RTTN: variants seen among roughly 807,000 people sequenced by gnomAD.
RTTN encodes rotatin.
RTTN carries 182 observed loss-of-function variants against 269.2 expected under a neutral mutation model. That is an observed-to-expected ratio of 0.68 (90% CI 0.60 to 0.76). The LOEUF (loss-of-function observed/expected upper bound fraction) is 0.76. Among genes scored for constraint, RTTN ranks in the 30% least tolerant of loss-of-function variants. RTTN has a pLI of 0.00. For missense variants in RTTN, 2,545 were observed against 2,608.6 expected (o/e 0.98, Z 0.53); for synonymous variants, 1,006 against 963.5 (o/e 1.04, Z -0.82).
chr18:70,057,779 A>G lies in RTTN; in HGVS notation c.4994T>C (p.Leu1665Pro). The G allele has an allele frequency of 6.2e-7, 1 of 1,613,940 alleles. No individual in the cohort carries two copies. The highest frequency in any genetic ancestry group is 8.5e-7 in the Non-Finnish European group (1 of 1,179,860). ...GTGTTCAGCTGGAGGTGATGAAGGC[A>G]GCAGGGCTCTGAGTTCCTGGACACA... ...QTCVQELRAL[L>P]PSSPPAEHTQ... The change falls in exon 37 of 49, where the codon CTG (leucine) becomes CCG (proline). Residue 1665 changes from leucine (L) to proline (P), a missense_variant. Physicochemically the swap from Leu to Pro is moderately conservative, Grantham distance 98 (BLOSUM62 -3). Transcript: ENST00000640769.
At chr18:70,157,086 T>C (rs1318344834) in intron 14 of RTTN, among the ~76,000 whole-genome samples, 1 of 152,174 alleles carries the variant, frequency 6.6e-6, no homozygotes, top group Non-Finnish European at 1.5e-5. Flanking sequence ...AGCCAATACC[T>C]ACTGGTGTGC....
intron 12 of RTTN, among the ~76,000 whole-genome samples, chr18:70,167,460 C>G (rs902418175): frequency 6.6e-6 from 1 of 152,126 alleles, no homozygotes; most frequent in South Asian, 2.1e-4. Context: ...GAGGCCAGAC[C>G]CAGTGGCTCC....
At chr18:70,008,433 G>A (rs2056264303) in intron 46 of RTTN, 2 of 152,086 alleles carry the variant, frequency 1.3e-5, no homozygotes, top group South Asian at 4.1e-4. Context: ...GCAGGCTTCA[G>A]AAGGTGGGTA....
intron 13 of RTTN, chr18:70,166,621 TA>T (rs2060994358): frequency 8.6e-6 from 2 of 232,322 alleles, no homozygotes; most frequent in Admixed American, 1.1e-4. Context: ...ACTTTAAAGA[TA>T]AATAAACAAT....
At chr18:70,075,026 G>A (rs1272232035) in intron 33 of RTTN, 7 of 170,040 alleles carry the variant, frequency 4.1e-5, no homozygotes, top group African/African-American at 1.7e-4. Flanking sequence ...CTGTACTGAT[G>A]GGCATAACTT....
intron 28 of RTTN, among the ~76,000 whole-genome samples, chr18:70,094,770 G>T (rs2058951388): frequency 1.3e-5 from 2 of 152,190 alleles, no homozygotes; most frequent in South Asian, 4.2e-4. Flanking sequence ...GTTGATTTGG[G>T]GTGGAGAGTT....
At chr18:70,039,000 T>C (rs762198626) in intron 40 of RTTN, among the ~76,000 whole-genome samples, 4 of 152,150 alleles carry the variant, frequency 2.6e-5, no homozygotes, top group East Asian at 1.9e-4. Context: ...ATTAGTAAAC[T>C]TGAAGGCAAG....
intron 34 of RTTN, among the ~76,000 whole-genome samples, chr18:70,068,720 G>C (rs982841026): frequency 6.6e-6 from 1 of 152,170 alleles, no homozygotes; most frequent in Non-Finnish European, 1.5e-5. Context: ...ACAACAGCGA[G>C]AGTCTAATTC....
intron 23 of RTTN, among the ~76,000 whole-genome samples, chr18:70,132,580 T>G (rs1157629288): frequency 2.0e-5 from 3 of 151,774 alleles, no homozygotes; most frequent in African/African-American, 7.3e-5. Context: ...CACAAAACAC[T>G]TAGAAAATAT....
intron 5 of RTTN, among the ~76,000 whole-genome samples, chr18:70,198,079 C>T (rs964143100): frequency 6.6e-6 from 1 of 152,196 alleles, no homozygotes; most frequent in Non-Finnish European, 1.5e-5. Flanking sequence ...GCACACAATT[C>T]TAGGAAATCT....
intron 32 of RTTN, among the ~76,000 whole-genome samples, chr18:70,078,216 T>A (rs1402543949): frequency 1.3e-5 from 2 of 151,980 alleles, no homozygotes; most frequent in Non-Finnish European, 2.9e-5. Context: ...ATTCAACTTC[T>A]CATCAGTAGC....
chr18:70,177,406 G>A (rs2061328878), intron 10 of RTTN, among the ~76,000 whole-genome samples: 1 of 152,158 alleles, frequency 6.6e-6, no homozygotes, highest in Admixed American at 6.5e-5. Flanking sequence ...AAGGTTTCAA[G>A]TGGAAAATGT....
chr18:70,034,656 A>G (rs930158252), intron 40 of RTTN, among the ~76,000 whole-genome samples: 9 of 152,156 alleles, frequency 5.9e-5, no homozygotes, highest in African/African-American at 2.2e-4. Flanking sequence ...GCCCTCTTTC[A>G]CCATTCCTAT....
Position 70,139,634 on chromosome 18 carries a change from G to C in RTTN, c.2753C>G (p.Ser918Trp). 6 of 1,612,344 alleles carry C rather than the reference G, an allele frequency of 3.7e-6. No individual in the cohort carries two copies. The highest frequency in any genetic ancestry group is 2.5e-6 in the Non-Finnish European group (3 of 1,178,770). The change falls in exon 21 of 49, where the codon TCG (serine) becomes TGG (tryptophan). Residue 918 changes from serine to tryptophan, a missense_variant. Transcript: ENST00000640769. ...CGDPVMRVSLSQQSSLLTVLF... is the reference protein window; with the variant it reads ...CGDPVMRVSLWQQSSLLTVLF... ...CACGGTCAAAAGAGAAGACTGTTGC[G>C]AGAGCGAAACACGCATGACTGGATC...
Position 70,193,349 on chromosome 18 carries a change from C to A in RTTN, c.946G>T (p.Val316Phe). The A allele has an allele frequency of 6.2e-7, 1 of 1,610,710 alleles. No homozygotes were observed. Among genetic ancestry groups the A allele is most frequent in the Non-Finnish European group, 8.5e-7 (1 of 1,178,482 alleles). Reference sequence around the variant, plus strand: ...CTGGGTCGCTGGCCTGTGCGCCCAACCACAGAAGGCCGAGGGCTGCTGCTT... The same window carrying A: ...CTGGGTCGCTGGCCTGTGCGCCCAAACACAGAAGGCCGAGGGCTGCTGCTT... ...PGSSSPRPSV[V>F]GRTGQRPRGD... The change falls in exon 8 of 49, where the codon GTT (valine) becomes TTT (phenylalanine). Residue 316 changes from valine to phenylalanine, a missense_variant. Val to Phe is a conservative substitution (Grantham distance 50). Coordinates refer to ENST00000640769, the MANE Select transcript of RTTN (RefSeq NM_173630.4).
chr18:70,029,578 A>G (rs771276976), intron 42 of RTTN, among the ~76,000 whole-genome samples: 2 of 152,144 alleles, frequency 1.3e-5, no homozygotes, highest in Non-Finnish European at 2.9e-5. Context: ...CAGTTGTGTG[A>G]CTATGCTGTA....
chr18:70,032,088 A>T (rs2057030487), intron 40 of RTTN, among the ~76,000 whole-genome samples: 1 of 152,180 alleles, frequency 6.6e-6, no homozygotes, highest in Non-Finnish European at 1.5e-5. Flanking sequence ...TTGGTATGGG[A>T]GTGTCTATAG....
At chr18:70,118,444 T>G (rs1303416807) in intron 26 of RTTN, among the ~76,000 whole-genome samples, 1 of 151,886 alleles carries the variant, frequency 6.6e-6, no homozygotes, top group Non-Finnish European at 1.5e-5. Flanking sequence ...AAATCAGTAA[T>G]GCAAAGTCTT....
Position 70,028,807 on chromosome 18 carries a change from T to C in RTTN, c.5746-6A>G, listed in dbSNP as rs1240120547. The stretch of plus-strand genomic sequence containing the variant: ...TCTTTAATAACACCATCCTCCTATT[T>C]AAACAAAAAGCAGTTGAAAACTGTG... On this transcript the variant is annotated splice_polypyrimidine_tract_variant and splice_region_variant and intron_variant, in intron 42 of 48. Transcript: ENST00000640769. The C allele has an allele frequency of 3.7e-6, 6 of 1,603,748 alleles. No individual in the cohort carries two copies. The African/African-American group carries it at 8.0e-5, about 21-fold the overall frequency.
Sources: gnomAD v4.1 joint callset for allele counts (sites outside exome capture counted in the v4.1 genomes callset) on GRCh38, gnomAD v4.1.1 for gene constraint, MANE v1.5 for transcripts, NCBI Gene and HGNC (gene_info 2026-07-23, HGNC 2026-07-21) for gene names.